Variants in CEP85L observed in about 807,000 individuals in gnomAD.
CEP85L encodes centrosomal protein 85L.
A neutral mutation model predicts 100.3 loss-of-function variants in CEP85L; 60 were observed. That is an observed-to-expected ratio of 0.60 (90% CI 0.49 to 0.74). The LOEUF is 0.74. CEP85L is among the 30% of genes least tolerant of loss of function. CEP85L has a pLI of 0.00. For synonymous variants in CEP85L, 319 were observed against 322.7 expected (o/e 0.99, Z 0.12); for missense variants, 973 against 936.2 (o/e 1.04, Z -0.51).
intron 7 of CEP85L, among the ~76,000 whole-genome samples, chr6:118,482,670 C>T (rs1773873674): frequency 6.6e-6 from 1 of 152,134 alleles, no homozygotes; most frequent in Non-Finnish European, 1.5e-5. Flanking sequence ...CATGGGTGTA[C>T]AAACATCTGT....
rs537800022 is a variant in CEP85L, at chr6:118,560,359, G to A, written c.1020+5170C>T. On this transcript the variant is annotated intron_variant, in intron 3 of 12. Coordinates refer to ENST00000368491, the MANE Select transcript of CEP85L (RefSeq NM_001042475.3). ...TACAATAAAGTAAGCTAGAGAAAAT[G>A]TTATTTAGAAAATCATAAGAAAGAG... 363 of 167,032 alleles carry A rather than the reference G, an allele frequency of 2.2e-3. No homozygotes were observed. Among genetic ancestry groups the A allele is most frequent in the Non-Finnish European group, 3.9e-3 (265 of 68,080 alleles). 10.3% of individuals were successfully genotyped at this position (167,032 alleles called of 1,614,324 possible).
intron 1 of CEP85L, among the ~76,000 whole-genome samples, chr6:118,681,473 T>C (rs965281023): frequency 6.6e-6 from 1 of 152,174 alleles, no homozygotes; most frequent in Admixed American, 6.5e-5. Context: ...TTTCAACATG[T>C]TCATTATTAA....
intron 4 of CEP85L, among the ~76,000 whole-genome samples, chr6:118,516,093 G>A (rs1776259263): frequency 6.6e-6 from 1 of 152,172 alleles, no homozygotes; most frequent in Non-Finnish European, 1.5e-5. Flanking sequence ...CCGTTTTTAT[G>A]GCTGGGCATA....
intron 4 of CEP85L, among the ~76,000 whole-genome samples, chr6:118,522,772 A>G (rs949843289): frequency 2.0e-5 from 3 of 151,872 alleles, no homozygotes; most frequent in African/African-American, 7.3e-5. Context: ...CCAGCTACTC[A>G]GGAGGCTGAC....
chr6:118,533,958 G>C (rs1022400185), intron 3 of CEP85L, among the ~76,000 whole-genome samples: 3 of 152,106 alleles, frequency 2.0e-5, no homozygotes, highest in Non-Finnish European at 2.9e-5. Flanking sequence ...AGCCAGGCGT[G>C]GTGGCTCATG....
intron 1 of CEP85L, among the ~76,000 whole-genome samples, chr6:118,686,624 T>C (rs1045322407): frequency 6.6e-6 from 1 of 152,192 alleles, no homozygotes; most frequent in Non-Finnish European, 1.5e-5. Context: ...TAGCTGATGG[T>C]CATTTGAGTT....
At chr6:118,709,532 C>CATGTGTGTGTGTGTGTGTGTGTGT (rs6149776) in intron 1 of CEP85L, among the ~76,000 whole-genome samples, 2 of 87,214 alleles carry the variant, frequency 2.3e-5, no homozygotes, top group African/African-American at 8.6e-5. Flanking sequence ...CAACAATTGG[C>CATGTGTGTGTGTGTGTGTGTGTGT]GTGTGTGTGT....
intron 5 of CEP85L, among the ~76,000 whole-genome samples, chr6:118,510,623 G>C (rs1405796550): frequency 1.3e-5 from 2 of 152,086 alleles, no homozygotes; most frequent in Non-Finnish European, 2.9e-5. Flanking sequence ...GGGACGGTGA[G>C]AGTTCTTATA....
At chr6:118,651,080 C>T in intron 1 of CEP85L, 117 bp downstream of exon 1, 3 of 1,352,056 alleles carry the variant, frequency 2.2e-6, no homozygotes, top group Non-Finnish European at 2.8e-6. Context: ...GCGGCGGCGT[C>T]GGGGAGGCGG....
chr6:118,661,385 C>T (rs988141573), intron 1 of CEP85L, among the ~76,000 whole-genome samples: 3 of 151,962 alleles, frequency 2.0e-5, no homozygotes, highest in African/African-American at 7.2e-5. Flanking sequence ...CCTTGAAAAA[C>T]CAACTTAAAA....
At chr6:118,523,609 A>C (rs1776787154) in intron 4 of CEP85L, among the ~76,000 whole-genome samples, 193 bp downstream of exon 4, 2 of 152,244 alleles carry the variant, frequency 1.3e-5, no homozygotes, top group Non-Finnish European at 2.9e-5. Flanking sequence ...GGATGACAGA[A>C]ATCAGACAGA....
At chr6:118,611,145 G>C (rs1772584070) in intron 2 of CEP85L, among the ~76,000 whole-genome samples, 1 of 152,140 alleles carries the variant, frequency 6.6e-6, no homozygotes, top group South Asian at 2.1e-4. Context: ...CTTCTCCTGA[G>C]TTTCTTAAAT....
At chr6:118,683,347 C>T (rs926642724) in intron 1 of CEP85L, among the ~76,000 whole-genome samples, 5 of 152,122 alleles carry the variant, frequency 3.3e-5, no homozygotes, top group African/African-American at 9.7e-5. Flanking sequence ...GTGAGGTTTT[C>T]TTCCCCCACA....
At chr6:118,554,160 C>A (rs1778710412) in intron 3 of CEP85L, among the ~76,000 whole-genome samples, 1 of 152,048 alleles carries the variant, frequency 6.6e-6, no homozygotes. Context: ...TGGTGGCGCA[C>A]ACCTGTGGTC....
At chr6:118,543,330 T>C (rs1778017802) in intron 3 of CEP85L, among the ~76,000 whole-genome samples, 1 of 152,176 alleles carries the variant, frequency 6.6e-6, no homozygotes, top group African/African-American at 2.4e-5. Context: ...TCTTTCAACT[T>C]ATCCTTTTTA....
At chr6:118,627,198 C>CCA (rs1773854749) in intron 2 of CEP85L, among the ~76,000 whole-genome samples, 1 of 72,578 alleles carries the variant, frequency 1.4e-5, no homozygotes, top group Non-Finnish European at 2.6e-5. Context: ...GACTCCATCT[C>CCA]AAAAAAAAAA....
chr6:118,685,891 G>A (rs1035689616), intron 1 of CEP85L, among the ~76,000 whole-genome samples: 2 of 152,178 alleles, frequency 1.3e-5, no homozygotes, highest in South Asian at 4.1e-4. Flanking sequence ...AAAAGTGCAC[G>A]GGTTAAAGAT....
chr6:118,597,698 T>C lies in CEP85L; in HGVS notation c.233-31382A>G, dbSNP rs186510291. 6.0e-3 allele frequency among the ~76,000 whole-genome samples: 907 copies of C among 152,252 alleles called. 5 individuals are homozygous for C. The highest frequency in any genetic ancestry group is 0.014 in the Middle Eastern group (4 of 294). ...AATAGAAAAGGTGAGTATAAAACAA[T>C]GCACAACAGGATCAAAGGGTTTCTG... On this transcript the variant is annotated intron_variant, in intron 2 of 12. Coordinates refer to ENST00000368491, the MANE Select transcript of CEP85L (RefSeq NM_001042475.3).
intron 2 of CEP85L, among the ~76,000 whole-genome samples, chr6:118,576,227 C>T (rs1408419793): frequency 6.6e-6 from 1 of 152,216 alleles, no homozygotes; most frequent in African/African-American, 2.4e-5. Context: ...AGACCTTAGC[C>T]TGTCTGTCTC....
Sources: allele counts gnomAD v4.1 joint callset (sites outside exome capture counted in the v4.1 genomes callset), GRCh38; gene constraint gnomAD v4.1.1; transcripts MANE v1.5; gene names NCBI Gene and HGNC (gene_info 2026-07-23, HGNC 2026-07-21).